Variants in PLEKHM3 observed in about 807,000 individuals in gnomAD.
PLEKHM3 encodes the protein pleckstrin homology domain containing M3, also known as pleckstrin homology domain-containing family M member 3.
In PLEKHM3, 45 loss-of-function variants were observed where a neutral mutation model predicts 81.8. The ratio of observed to expected loss-of-function variants is 0.55; its 90% CI spans 0.43 to 0.71. PLEKHM3 has a LOEUF of 0.71. Ranked by LOEUF, PLEKHM3 falls within the 30% of genes least tolerant of loss-of-function variation. PLEKHM3 has a pLI of 0.00. For synonymous variants in PLEKHM3, 352 were observed against 356.4 expected, an observed-to-expected ratio of 0.99 and a Z score of 0.14; for missense variants, 788 against 924.3, an observed-to-expected ratio of 0.85 and a Z score of 1.91.
At chr2:207,876,858 T>A (rs2092562401) in intron 6 of PLEKHM3, among the ~76,000 whole-genome samples, 1 of 152,230 alleles carries the variant, frequency 6.6e-6, no homozygotes, top group South Asian at 2.1e-4. Context: ...CTCTTACTGG[T>A]TCCATCCCTT....
intron 1 of PLEKHM3, among the ~76,000 whole-genome samples, chr2:208,006,716 C>T (rs1692504690): frequency 6.6e-6 from 1 of 152,164 alleles, no homozygotes; most frequent in South Asian, 2.1e-4. Flanking sequence ...AAGTCAGCAA[C>T]GAACTATTTA....
At chr2:208,006,696 A>C (rs1323938153) in intron 1 of PLEKHM3, among the ~76,000 whole-genome samples, 1 of 152,216 alleles carries the variant, frequency 6.6e-6, no homozygotes, top group Non-Finnish European at 1.5e-5. Context: ...CTGTCAGTCC[A>C]ACAAAGGCAA....
chr2:207,930,049 C>A (rs1027354082), intron 5 of PLEKHM3: 2 of 527,392 alleles, frequency 3.8e-6, no homozygotes, highest in Admixed American at 3.3e-5. Flanking sequence ...ACTTTAAATG[C>A]CTATAAAATC....
chr2:207,980,794 G>A (rs1441698851), intron 2 of PLEKHM3, among the ~76,000 whole-genome samples: 22 of 152,014 alleles, frequency 1.4e-4, no homozygotes, highest in Non-Finnish European at 7.4e-5. Context: ...TGGGGAAATG[G>A]TGTATTCTTA....
At chr2:207,835,935 AAT>A (rs1327937304) in intron 7 of PLEKHM3, among the ~76,000 whole-genome samples, 1 of 152,180 alleles carries the variant, frequency 6.6e-6, no homozygotes, top group African/African-American at 2.4e-5. Flanking sequence ...CCTATGTGGA[AAT>A]ATGTTTGTGT....
At chr2:207,915,452 A>T (rs1688956405) in intron 5 of PLEKHM3, among the ~76,000 whole-genome samples, 1 of 152,190 alleles carries the variant, frequency 6.6e-6, no homozygotes. Flanking sequence ...ACCAAGCCCC[A>T]GTGCTCACGA....
At chr2:207,832,550 G>C in intron 7 of PLEKHM3, among the ~76,000 whole-genome samples, 1 of 152,168 alleles carries the variant, frequency 6.6e-6, no homozygotes, top group Non-Finnish European at 1.5e-5. Context: ...CCAGCACTTT[G>C]GGAGGCTGAG....
At chr2:207,846,087 C>T (rs1318994813) in intron 7 of PLEKHM3, among the ~76,000 whole-genome samples, 1 of 152,216 alleles carries the variant, frequency 6.6e-6, no homozygotes, top group Non-Finnish European at 1.5e-5. Context: ...TCAAAGGTCA[C>T]ACAAATTAGT....
intron 3 of PLEKHM3, among the ~76,000 whole-genome samples, chr2:207,964,155 T>C (rs1331151291): frequency 6.6e-6 from 1 of 151,582 alleles, no homozygotes; most frequent in Non-Finnish European, 1.5e-5. Flanking sequence ...GAGGTTGCAG[T>C]GAGCTGAGAT....
chr2:207,900,950 C>CCAA (rs953280144), intron 6 of PLEKHM3: 1 of 324,090 alleles, frequency 3.1e-6, no homozygotes, highest in African/African-American at 2.1e-5. Context: ...CAACAAAAAC[C>CCAA]CAACAACAAC....
intron 3 of PLEKHM3, among the ~76,000 whole-genome samples, chr2:207,962,605 C>G (rs530798171): frequency 6.6e-6 from 1 of 152,172 alleles, no homozygotes; most frequent in Non-Finnish European, 1.5e-5. Context: ...GCCTGGGAAC[C>G]CCCTGAACTT....
At position 207,889,434 on chromosome 2, in the gene PLEKHM3, AACACACACACACACACACACAC is replaced by A. The variant is rs35082335; in HGVS notation, c.1950+19058_1950+19079del. On this transcript the variant is annotated intron_variant, in intron 6 of 7. Coordinates refer to ENST00000427836, the MANE Select transcript of PLEKHM3 (RefSeq NM_001080475.3). The stretch of plus-strand genomic sequence containing the variant: ...TAAGAGCAGACAGGAGGTTTTTTTC[AACACACACACACACACACACAC>A]ACACACACACACACACACACACACA... 6.5e-4 allele frequency among the ~76,000 whole-genome samples: 84 copies of A among 129,200 alleles called. 1 individual carries two copies. In the South Asian group the frequency reaches 0.016, roughly 24 times the overall value. The allele number at this position is 129,200 out of a possible 152,430, so 84.8% of individuals were successfully genotyped here. A position where few individuals can be genotyped will look rare whatever the true frequency, so the allele number is the denominator to read the frequency against.
chr2:207,901,048 C>T (rs1306381636), intron 6 of PLEKHM3: 4 of 567,604 alleles, frequency 7.0e-6, no homozygotes, highest in Non-Finnish European at 9.4e-6. Flanking sequence ...ACAGCTGCAG[C>T]CTCAACCGGT....
At chr2:207,998,522 T>A (rs763644483) in intron 2 of PLEKHM3, among the ~76,000 whole-genome samples, 1 of 152,052 alleles carries the variant, frequency 6.6e-6, no homozygotes, top group Non-Finnish European at 1.5e-5. Context: ...GAAAAAAATT[T>A]AAAAATAAAT....
chr2:207,924,527 T>C (rs1212205113), intron 5 of PLEKHM3, among the ~76,000 whole-genome samples: 1 of 151,830 alleles, frequency 6.6e-6, no homozygotes, highest in Non-Finnish European at 1.5e-5. Flanking sequence ...CTACTAAAAA[T>C]ACAAAAATTA....
At chr2:207,875,342 A>T (rs1032689888) in intron 6 of PLEKHM3, among the ~76,000 whole-genome samples, 3 of 152,218 alleles carry the variant, frequency 2.0e-5, no homozygotes, top group African/African-American at 7.2e-5. Context: ...AATTAAAACA[A>T]CACTGTGAAG....
At position 207,865,798 on chromosome 2, in the gene PLEKHM3, AAAAAGATATATATATAT is replaced by A. The variant is rs1309174089; in HGVS notation, c.1951-4553_1951-4537del. On this transcript the variant is annotated intron_variant, in intron 6 of 7. Transcript: ENST00000427836. ...CTCCGACTCAAAAAAAAAAAAAAAA[AAAAAGATATATATATAT>A]ATATATATATATATATATATATACT... Among the ~76,000 whole-genome samples, 178 of 44,382 alleles carry A rather than the reference AAAAAGATATATATATAT, an allele frequency of 4.0e-3. 14 individuals carry two copies. Among genetic ancestry groups the A allele is most frequent in the African/African-American group, 0.023 (172 of 7,464 alleles). The allele number at this position is 44,382 out of a possible 152,430, so 29.1% of individuals were successfully genotyped here.
rs1553546058 is a variant in PLEKHM3 at position 207,865,837 on chromosome 2, T to TAC, written c.1951-4577_1951-4576dup. ...ATATATATATATATATATATATATA[T>TAC]ACTTTCTGTCTTTATAGATTTGCCT... is the stretch of plus-strand genomic sequence containing the variant. On this transcript the variant is annotated intron_variant, in intron 6 of 7. Coordinates refer to ENST00000427836, the MANE Select transcript of PLEKHM3 (RefSeq NM_001080475.3). Among the ~76,000 whole-genome samples, 145 of 115,754 alleles carry TAC rather than the reference T, an allele frequency of 1.3e-3. 1 individual carries two copies. The highest frequency in any genetic ancestry group is 4.4e-3 in the African/African-American group (135 of 30,880). 75.9% of individuals were successfully genotyped at this position (115,754 alleles called of 152,430 possible).
At chr2:207,894,386 A>AATATAGTC (rs1358540270) in intron 6 of PLEKHM3, among the ~76,000 whole-genome samples, 1 of 152,188 alleles carries the variant, frequency 6.6e-6, no homozygotes, top group Non-Finnish European at 1.5e-5. Context: ...GGGCCTGACC[A>AATATAGTC]ATATAGTCCC....
Sources: allele counts gnomAD v4.1 joint callset (sites outside exome capture counted in the v4.1 genomes callset), GRCh38; gene constraint gnomAD v4.1.1; transcripts MANE v1.5; gene names NCBI Gene and HGNC (gene_info 2026-07-23, HGNC 2026-07-21).